Variants in TP63 observed in about 807,000 individuals in gnomAD.
TP63 encodes the protein tumor protein 63.
A neutral mutation model predicts 82.8 loss-of-function variants in TP63; 17 were observed. That is an observed-to-expected ratio of 0.21 (90% CI 0.14 to 0.31). The LOEUF (loss-of-function observed/expected upper bound fraction) is 0.31. Ranked by LOEUF, TP63 falls within the 10% of genes least tolerant of loss-of-function variation. The pLI, the probability that TP63 is intolerant of heterozygous loss-of-function variation, is 1.00. For missense variants in TP63, 648 were observed against 895.3 expected (o/e 0.72, Z 3.52); for synonymous variants, 330 against 321.7 (o/e 1.03, Z -0.28).
intron 1 of TP63, among the ~76,000 whole-genome samples, chr3:189,700,408 C>T (rs1029121999): frequency 2.0e-5 from 3 of 152,162 alleles, no homozygotes; most frequent in African/African-American, 4.8e-5. Flanking sequence ...TGTACTCCAT[C>T]TCATTTGTTT....
rs905119734 is a variant in TP63 at position 189,631,799 on chromosome 3, C to A, written c.62+222C>A. Among the ~76,000 whole-genome samples, 4 of 152,076 alleles carry A rather than the reference C, an allele frequency of 2.6e-5. No homozygotes were observed. The East Asian group carries it at 7.7e-4, about 29-fold the overall frequency. ...CAAAGTGAAAAAATTTGAAGCGAATCTTCCCATTTAAAAAAAATTATCACG... is the reference window on the plus strand; with the variant it reads ...CAAAGTGAAAAAATTTGAAGCGAATATTCCCATTTAAAAAAAATTATCACG... On this transcript the variant is annotated intron_variant, in intron 1 of 13. Transcript: ENST00000264731.
intron 1 of TP63, among the ~76,000 whole-genome samples, chr3:189,727,860 CTGTGT>C (rs1304825020): frequency 6.6e-6 from 1 of 152,186 alleles, no homozygotes; most frequent in Non-Finnish European, 1.5e-5. Flanking sequence ...ATGCATGTTA[CTGTGT>C]TTGCATGCTA....
chr3:189,740,841 C>T (rs1471780210), intron 3 of TP63, among the ~76,000 whole-genome samples: 1 of 152,158 alleles, frequency 6.6e-6, no homozygotes, highest in African/African-American at 2.4e-5. Context: ...TTTCTTACTT[C>T]CTTGTATTCT....
chr3:189,630,296 G>A (rs1553800841), upstream of TP63, among the ~76,000 whole-genome samples: 2 of 151,798 alleles, frequency 1.3e-5, no homozygotes, highest in Non-Finnish European at 2.9e-5. Context: ...ACACAGAGTG[G>A]TTTTTTTTCC....
chr3:189,785,023 G>C (rs1040217103), intron 3 of TP63, among the ~76,000 whole-genome samples: 2 of 151,962 alleles, frequency 1.3e-5, no homozygotes, highest in African/African-American at 4.8e-5. Flanking sequence ...ACATTTCTTA[G>C]CTTTCACGCA....
At chr3:189,723,918 C>T (rs1719574919) in intron 1 of TP63, among the ~76,000 whole-genome samples, 1 of 151,938 alleles carries the variant, frequency 6.6e-6, no homozygotes, top group Admixed American at 6.6e-5. Context: ...CTCAGGATTA[C>T]CATGGGGAAC....
intron 3 of TP63, among the ~76,000 whole-genome samples, chr3:189,746,615 C>T (rs2108514490): frequency 6.6e-6 from 1 of 151,612 alleles, no homozygotes; most frequent in East Asian, 1.9e-4. Flanking sequence ...CATAAAGTGA[C>T]CAACTGTTAA....
chr3:189,743,369 G>T (rs577623822), intron 3 of TP63, among the ~76,000 whole-genome samples: 3 of 152,122 alleles, frequency 2.0e-5, no homozygotes, highest in Non-Finnish European at 4.4e-5. Context: ...AGTAGAAATC[G>T]AAATAATACA....
the TP63 span, among the ~76,000 whole-genome samples, chr3:189,626,287 T>C: frequency 2.6e-5 from 4 of 152,166 alleles, no homozygotes; most frequent in African/African-American, 7.2e-5. Flanking sequence ...TGCAGCTATG[T>C]ACAGAAAAGT....
chr3:189,719,363 G>A (rs898304991), intron 1 of TP63, among the ~76,000 whole-genome samples: 8 of 152,006 alleles, frequency 5.3e-5, no homozygotes, highest in African/African-American at 1.9e-4. Context: ...TGCTCAGTTG[G>A]CTCTCCTTGA....
At chr3:189,839,549 C>G (rs998416437) in intron 4 of TP63, among the ~76,000 whole-genome samples, 3 of 152,056 alleles carry the variant, frequency 2.0e-5, no homozygotes, top group African/African-American at 7.2e-5. Flanking sequence ...GTGATTCACC[C>G]CAAAACGTAT....
intron 4 of TP63, among the ~76,000 whole-genome samples, chr3:189,837,466 T>C (rs1027393256): frequency 6.6e-6 from 1 of 152,210 alleles, no homozygotes; most frequent in African/African-American, 2.4e-5. Context: ...TAAGAAATTT[T>C]AAATTTAAAT....
chr3:189,688,697 C>T (rs1212679286), intron 1 of TP63, among the ~76,000 whole-genome samples: 2 of 152,170 alleles, frequency 1.3e-5, no homozygotes, highest in Non-Finnish European at 2.9e-5. Context: ...GTGACAGTAT[C>T]TGGCTTCACC....
intron 1 of TP63, among the ~76,000 whole-genome samples, chr3:189,718,016 C>T (rs1162508352): frequency 1.3e-5 from 2 of 152,044 alleles, no homozygotes; most frequent in African/African-American, 4.8e-5. Context: ...TAAGAGAATG[C>T]GCTGATGGAG....
At chr3:189,743,854 G>A (rs1476777052) in intron 3 of TP63, among the ~76,000 whole-genome samples, 4 of 152,102 alleles carry the variant, frequency 2.6e-5, no homozygotes, top group African/African-American at 4.8e-5. Context: ...GACCCCTCAC[G>A]GTCCACATTA....
chr3:189,631,297 A>C (rs922698455), upstream of TP63: 16 of 1,362,764 alleles, frequency 1.2e-5, no homozygotes, highest in African/African-American at 1.5e-5. Context: ...GTGTTTATGA[A>C]GTTTTAGTCA....
At chr3:189,824,943 G>A (rs541041901) in intron 4 of TP63, among the ~76,000 whole-genome samples, 1 of 152,246 alleles carries the variant, frequency 6.6e-6, no homozygotes, top group African/African-American at 2.4e-5. Flanking sequence ...GAAATCAGAT[G>A]TTTGGTTCCT....
At chr3:189,807,882 G>A (rs1727082908) in intron 3 of TP63, among the ~76,000 whole-genome samples, 1 of 152,142 alleles carries the variant, frequency 6.6e-6, no homozygotes, top group Non-Finnish European at 1.5e-5. Context: ...CTCATTTTGT[G>A]TAACACGCCC....
At chr3:189,724,724 T>TC (rs1448953951) in intron 1 of TP63, among the ~76,000 whole-genome samples, 2 of 152,194 alleles carry the variant, frequency 1.3e-5, no homozygotes, top group Non-Finnish European at 2.9e-5. Flanking sequence ...GGGATTCAAA[T>TC]CCCCTCCATC....
Sources: gnomAD v4.1 joint callset for allele counts (sites outside exome capture counted in the v4.1 genomes callset) on GRCh38, gnomAD v4.1.1 for gene constraint, MANE v1.5 for transcripts, NCBI Gene and HGNC (gene_info 2026-07-23, HGNC 2026-07-21) for gene names.